Variants in TRPM1 observed in about 807,000 individuals in gnomAD.
The protein encoded by TRPM1 is transient receptor potential cation channel subfamily M member 1.
A neutral mutation model predicts 149.4 loss-of-function variants in TRPM1; 113 were observed. The ratio of observed to expected loss-of-function variants is 0.76; its 90% confidence interval spans 0.65 to 0.88. The LOEUF (loss-of-function observed/expected upper bound fraction) is 0.88, where lower values mean the gene tolerates loss of function less well. TRPM1 is among the 40% of genes least tolerant of loss of function. The pLI, the probability that TRPM1 is intolerant of heterozygous loss-of-function variation, is 0.00. For missense variants in TRPM1, 1,976 were observed against 2,038.7 expected (o/e 0.97, Z 0.59); for synonymous variants, 741 against 759.5 (o/e 0.98, Z 0.40).
At chr15:31,154,465 A>G (rs973336065) in intron 1 of TRPM1, among the ~76,000 whole-genome samples, 1 of 152,230 alleles carries the variant, frequency 6.6e-6, no homozygotes, top group Non-Finnish European at 1.5e-5. Context: ...TAAGACAGTG[A>G]AAGAGATCTA....
At chr15:31,108,690 C>T (rs11636102) in intron 1 of TRPM1, among the ~76,000 whole-genome samples, 21,876 of 152,170 alleles carry the variant, frequency 0.14, 1,874 homozygotes, top group Non-Finnish European at 0.18. Flanking sequence ...GACAGCGTTT[C>T]TCTGTGTTAG....
chr15:31,135,980 G>A (rs2141047472), intron 1 of TRPM1, among the ~76,000 whole-genome samples: 1 of 152,246 alleles, frequency 6.6e-6, no homozygotes, highest in South Asian at 2.1e-4. Flanking sequence ...AAAAGTAAGT[G>A]GAGCAGTAAT....
At chr15:31,147,493 C>T (rs911992158) in intron 1 of TRPM1, among the ~76,000 whole-genome samples, 29 of 152,218 alleles carry the variant, frequency 1.9e-4, no homozygotes, top group African/African-American at 2.4e-5. Context: ...CATCACACTT[C>T]ACAGATATGG....
intron 1 of TRPM1, among the ~76,000 whole-genome samples, chr15:31,109,698 T>TAAA (rs71420547): frequency 1.6e-5 from 2 of 123,114 alleles, no homozygotes; most frequent in African/African-American, 3.1e-5. Context: ...AGACTCTGTC[T>TAAA]AAAAAAAAAA....
At chr15:31,020,683 TTTTC>T (rs2032523078) in intron 27 of TRPM1, among the ~76,000 whole-genome samples, 1 of 152,188 alleles carries the variant, frequency 6.6e-6, no homozygotes, top group Admixed American at 6.5e-5. Flanking sequence ...CATGCCTAGT[TTTTC>T]TTTCTATGTA....
chr15:31,031,142 A>G lies in TRPM1; in HGVS notation c.2968T>C (p.Tyr990His), dbSNP rs1271592942. The G allele has an allele frequency of 1.9e-6, 3 of 1,614,226 alleles. No homozygotes were observed. Among genetic ancestry groups the G allele is most frequent in the African/African-American group, 2.7e-5 (2 of 75,048 alleles). ...MIGKMMIDML[Y>H]FVVIMLVVLM... ...ACGACCAGCATGATGACCACAAAGT[A>G]CAGCATGTCGATCATCTGAGTAAGG... Residue 990 changes from tyrosine (Y) to histidine (H), a missense_variant, in exon 23 of 28, where the codon TAC becomes CAC. Physicochemically the swap from Tyr to His is moderately conservative, Grantham distance 83. Coordinates refer to ENST00000256552, the MANE Select transcript of TRPM1 (RefSeq NM_001252024.2).
upstream of TRPM1, among the ~76,000 whole-genome samples, chr15:31,104,060 G>T (rs918027355): frequency 1.6e-4 from 22 of 139,562 alleles, no homozygotes; most frequent in Non-Finnish European, 1.8e-4. Flanking sequence ...ACGCTGTAAG[G>T]TCTGAGAATC....
Position 31,082,204 on chromosome 15 carries a change from C to T in TRPM1, c.-83-766G>A, listed in dbSNP as rs565484509. ...CTCCCCACCCCCATTAGGTGAGATA[C>T]TGCCCACTTGTGCAAAATATTCCAG... is the stretch of plus-strand genomic sequence containing the variant. On this transcript the variant is annotated intron_variant, in intron 1 of 27. Transcript: ENST00000256552. Among the ~76,000 whole-genome samples, 13 of 152,330 alleles carry T rather than the reference C, an allele frequency of 8.5e-5. No individual in the cohort carries two copies. The South Asian group carries it at 2.5e-3, about 29-fold the overall frequency.
At chr15:31,114,782 TAACA>T (rs2035774553) in intron 1 of TRPM1, among the ~76,000 whole-genome samples, 1 of 152,156 alleles carries the variant, frequency 6.6e-6, no homozygotes, top group African/African-American at 2.4e-5. Context: ...TTAGACAAAC[TAACA>T]GAGTTAATTT....
intron 1 of TRPM1, among the ~76,000 whole-genome samples, chr15:31,159,008 C>T (rs977723850): frequency 4.6e-5 from 7 of 152,078 alleles, no homozygotes; most frequent in African/African-American, 1.7e-4. Context: ...AGTCCCAGCC[C>T]CATTTCCCCA....
intron 1 of TRPM1, among the ~76,000 whole-genome samples, chr15:31,087,231 ATTTTTTTTTTTTTTTT>A (rs58872566): frequency 2.0e-4 from 12 of 59,444 alleles, no homozygotes; most frequent in South Asian, 8.1e-4. Context: ...CTCAATAGGG[ATTTTTTTTTTTTTTTT>A]TTTTTTTTTT....
intron 1 of TRPM1, among the ~76,000 whole-genome samples, chr15:31,117,399 T>A (rs2035813941): frequency 6.6e-6 from 1 of 152,004 alleles, no homozygotes; most frequent in Non-Finnish European, 1.5e-5. Flanking sequence ...GGCAGGAGAA[T>A]TGCTTGAACC....
At position 31,125,753 on chromosome 15, in the gene TRPM1, AAAATT is replaced by A. The variant is rs1452812269; in HGVS notation, c.54+35148_54+35152del. Among the ~76,000 whole-genome samples, 232 of 133,680 alleles carry A rather than the reference AAAATT, an allele frequency of 1.7e-3. 7 individuals carry two copies. The highest frequency in any genetic ancestry group is 4.6e-3 in the African/African-American group (169 of 36,692). 87.7% of individuals were successfully genotyped at this position (133,680 alleles called of 152,430 possible). The stretch of plus-strand genomic sequence containing the variant: ...TCAAAAAAAAAAAAAAAAAAAAAAA[AAAATT>A]ATTAAAAAATTAAAATTAAAATGTG... On this transcript the variant is annotated intron_variant, in intron 1 of 26. Coordinates refer to the TRPM1 transcript ENST00000542188.
chr15:31,053,778 AGTATTT>A (rs2034011642), intron 11 of TRPM1, among the ~76,000 whole-genome samples: 1 of 152,238 alleles, frequency 6.6e-6, no homozygotes, highest in African/African-American at 2.4e-5. Flanking sequence ...GTCTCAAAGA[AGTATTT>A]GTACACCTAC....
chr15:31,030,251 C>G (rs2030998381), intron 23 of TRPM1, among the ~76,000 whole-genome samples: 1 of 152,214 alleles, frequency 6.6e-6, no homozygotes, highest in Admixed American at 6.5e-5. Context: ...GCTATTATAG[C>G]TGATGCTTTA....
In TRPM1 at chr15:31,002,855, C is replaced by G; in HGVS notation, c.3845G>C (p.Arg1282Pro). 1.2e-6 allele frequency: 2 copies of G among 1,614,176 alleles called. No individual in the cohort carries two copies. Among genetic ancestry groups the G allele is most frequent in the Non-Finnish European group, 1.7e-6 (2 of 1,180,024 alleles). Residue 1282 changes from arginine to proline, a missense_variant, in exon 28 of 28, where the codon CGG becomes CCG. Transcript: ENST00000256552. The part of the protein sequence containing the change: ...SSECEATYLL[R>P]QSSINSADGY... ...ATCAGCGCTATTGATGCTGCTTTGC[C>G]GGAGAAGATACGTTGCCTCACATTC...
At chr15:31,093,483 C>A (rs2035295868) in intron 1 of TRPM1, among the ~76,000 whole-genome samples, 1 of 151,936 alleles carries the variant, frequency 6.6e-6, no homozygotes, top group African/African-American at 2.4e-5. Context: ...AGGCCTTGTA[C>A]ACTGAAAGTG....
intron 1 of TRPM1, among the ~76,000 whole-genome samples, chr15:31,150,650 G>A (rs569256020): frequency 1.2e-4 from 18 of 152,108 alleles, no homozygotes; most frequent in Admixed American, 4.6e-4. Flanking sequence ...TGGCCGGGCT[G>A]GTCTCAAACT....
intron 27 of TRPM1, among the ~76,000 whole-genome samples, chr15:31,014,858 C>A (rs544876858): frequency 1.3e-5 from 2 of 152,258 alleles, no homozygotes; most frequent in Non-Finnish European, 2.9e-5. Flanking sequence ...CTCAGAGTTT[C>A]CGTTTTCTAT....
Sources: gnomAD v4.1 joint callset for allele counts (sites outside exome capture counted in the v4.1 genomes callset) on GRCh38, gnomAD v4.1.1 for gene constraint, MANE v1.5 for transcripts, NCBI Gene and HGNC (gene_info 2026-07-23, HGNC 2026-07-21) for gene names.